The following ARHGAP29 variants were observed in gnomAD, a reference collection of about 807,000 sequenced individuals.
ARHGAP29 encodes Rho GTPase activating protein 29, also known as rho GTPase-activating protein 29.
ARHGAP29 carries 43 observed loss-of-function variants against 122.6 expected under a neutral mutation model. The ratio of observed to expected loss-of-function variants is 0.35; its 90% CI spans 0.27 to 0.45. The LOEUF is 0.45. ARHGAP29 is among the 20% of genes least tolerant of loss of function. ARHGAP29 has a pLI of 1.00. For synonymous variants in ARHGAP29, 506 were observed against 497.1 expected, an observed-to-expected ratio of 1.02 and a Z score of -0.24; for missense variants, 1,303 against 1,477.2, an observed-to-expected ratio of 0.88 and a Z score of 1.93.
At chr1:94,232,164 A>C (rs1466717812) in intron 1 of ARHGAP29, among the ~76,000 whole-genome samples, 1 of 152,106 alleles carries the variant, frequency 6.6e-6, no homozygotes, top group Non-Finnish European at 1.5e-5. Flanking sequence ...TGTTCTTAAA[A>C]TCCTCCTCTG....
chr1:94,261,423 A>C (rs1198983500), intron 1 of ARHGAP29, among the ~76,000 whole-genome samples: 1 of 152,198 alleles, frequency 6.6e-6, no homozygotes, highest in African/African-American at 2.4e-5. Flanking sequence ...GTGTAGCTAC[A>C]TCTCAACAAA....
chr1:94,276,013 T>C (rs759002467), upstream of ARHGAP29, among the ~76,000 whole-genome samples: 1 of 151,900 alleles, frequency 6.6e-6, no homozygotes, highest in African/African-American at 2.4e-5. Flanking sequence ...ATCCTAACAC[T>C]TTGGGAGGCT....
rs150813801 is a variant in ARHGAP29 at position 94,182,736 on chromosome 1, C to T, written c.2247+1415G>A. ...CAAGAGAGTAGAATATAAAGACATT[C>T]GTGGATAAATAAGGTTTTAAATATT... On this transcript the variant is annotated intron_variant, in intron 19 of 22. Transcript: ENST00000260526. 3.0e-3 allele frequency among the ~76,000 whole-genome samples: 460 copies of T among 152,130 alleles called. 3 individuals carry two copies. The highest frequency in any genetic ancestry group is 0.011 in the African/African-American group (443 of 41,510).
At chr1:94,201,518 C>CCT (rs1469183129) in intron 12 of ARHGAP29, among the ~76,000 whole-genome samples, 42 of 2,060 alleles carry the variant, frequency 0.02, no homozygotes, top group African/African-American at 0.026. Flanking sequence ...CTCTCTCTCT[C>CCT]TCTCTCTCTC....
At chr1:94,291,250 C>CTTGT in the ARHGAP29 span, among the ~76,000 whole-genome samples, 101 of 151,512 alleles carry the variant, frequency 6.7e-4, no homozygotes, top group African/African-American at 2.3e-3. Flanking sequence ...CCCCTGCTTT[C>CTTGT]TTGTTTGTTT....
intron 1 of ARHGAP29, among the ~76,000 whole-genome samples, chr1:94,262,915 A>G (rs1302740417): frequency 6.6e-6 from 1 of 152,210 alleles, no homozygotes; most frequent in Non-Finnish European, 1.5e-5. Flanking sequence ...AGGAATATAA[A>G]TCGTTCTACC....
the ARHGAP29 span, among the ~76,000 whole-genome samples, chr1:94,293,024 A>G: frequency 6.6e-6 from 1 of 152,210 alleles, no homozygotes; most frequent in South Asian, 2.1e-4. Context: ...AGTCTGCAGA[A>G]GCTGTCTGCT....
chr1:94,215,149 C>A (rs374375273), intron 3 of ARHGAP29, among the ~76,000 whole-genome samples: 68 of 138,920 alleles, frequency 4.9e-4, no homozygotes, highest in East Asian at 2.1e-3. Flanking sequence ...GGGAAAAAAA[C>A]CAAAAAAGCT....
chr1:94,216,058 G>C (rs1284705198), intron 3 of ARHGAP29, among the ~76,000 whole-genome samples: 1 of 152,124 alleles, frequency 6.6e-6, no homozygotes, highest in Admixed American at 6.5e-5. Flanking sequence ...CAAAGGTGCA[G>C]GAAATCAGCC....
intron 3 of ARHGAP29, among the ~76,000 whole-genome samples, chr1:94,213,637 C>T (rs1427087554): frequency 6.6e-6 from 1 of 152,202 alleles, no homozygotes; most frequent in Non-Finnish European, 1.5e-5. Flanking sequence ...CCAGATTTGG[C>T]CCACCAGCCT....
chr1:94,172,641 A>G lies in ARHGAP29; in HGVS notation c.*1228T>C, dbSNP rs1370659000. On this transcript the variant is annotated 3_prime_UTR_variant, in exon 23 of 23. Transcript: ENST00000260526. ...TATATATATATATATATTATCAAGT[A>G]TAACACAGTCATACAAAAACATTTA... 6.9e-6 allele frequency: 1 copy of G among 145,892 alleles called. No individual in the cohort carries two copies. The highest frequency in any genetic ancestry group is 1.5e-5 in the Non-Finnish European group (1 of 65,460). 9.0% of individuals were successfully genotyped at this position (145,892 alleles called of 1,614,324 possible).
At chr1:94,282,504 G>A in the ARHGAP29 span, among the ~76,000 whole-genome samples, 271 of 151,998 alleles carry the variant, frequency 1.8e-3, no homozygotes, top group African/African-American at 6.1e-3. Context: ...CAACCCTCCT[G>A]GCCTCAAGCG....
At chr1:94,220,429 A>G in intron 2 of ARHGAP29, 37 bp from the exon 3 acceptor site, 11 of 1,508,600 alleles carry the variant, frequency 7.3e-6, no homozygotes, top group South Asian at 1.2e-5. Context: ...TTTCCAGAGC[A>G]AAGTTCCACA....
In ARHGAP29 at chr1:94,231,466, A is replaced by G; in HGVS notation, c.146T>C (p.Val49Ala). 1 of 1,613,788 alleles carries G rather than the reference A, an allele frequency of 6.2e-7. No individual in the cohort carries two copies. Among genetic ancestry groups the G allele is most frequent in the Non-Finnish European group, 8.5e-7 (1 of 1,179,724 alleles). Residue 49 changes from valine (V) to alanine (A), a missense_variant, in exon 2 of 23, where the codon GTG becomes GCG. Around this residue, in one of 3 missense-constraint regions of ARHGAP29, gnomAD observed 592 missense variants for 648.2 expected, o/e 0.91. Coordinates refer to ENST00000260526, the MANE Select transcript of ARHGAP29 (RefSeq NM_004815.4). Reference protein sequence around the residue: ...IFDPDYIKELVNDIRKFSHML... With the variant: ...IFDPDYIKELANDIRKFSHML... The stretch of plus-strand genomic sequence containing the variant: ...GTGGGAGAACTTCCTGATATCATTC[A>G]CCAACTCCTTGATGTAATCCGGATC...
upstream of ARHGAP29, among the ~76,000 whole-genome samples, chr1:94,241,652 ATCTTATATATATAATTATATATG>A (rs1466533735): frequency 4.4e-4 from 63 of 143,572 alleles, no homozygotes; most frequent in African/African-American, 1.5e-3. Flanking sequence ...TTATATATAT[ATCTTATATATATAATTATATATG>A]ATATATATAA....
the ARHGAP29 span, among the ~76,000 whole-genome samples, chr1:94,312,564 T>G: frequency 1.3e-5 from 2 of 151,762 alleles, no homozygotes; most frequent in African/African-American, 4.8e-5. Flanking sequence ...CTCAAGTACC[T>G]AGGATTACAG....
At chr1:94,211,003 A>T (rs1193803218) in intron 3 of ARHGAP29, among the ~76,000 whole-genome samples, 1 of 151,376 alleles carries the variant, frequency 6.6e-6, no homozygotes, top group East Asian at 1.9e-4. Flanking sequence ...AGGACATAAC[A>T]GCCAGGTGCA....
intron 1 of ARHGAP29, among the ~76,000 whole-genome samples, chr1:94,247,259 C>T (rs1347050895): frequency 3.3e-5 from 5 of 152,090 alleles, no homozygotes; most frequent in Non-Finnish European, 5.9e-5. Flanking sequence ...GCGATGAGGG[C>T]TGGTGGCTAG....
chr1:94,307,049 A>C, the ARHGAP29 span, among the ~76,000 whole-genome samples: 1 of 152,342 alleles, frequency 6.6e-6, no homozygotes. Context: ...AAAGAAAAAC[A>C]CAATTATTTC....
Sources: allele counts gnomAD v4.1 joint callset (sites outside exome capture counted in the v4.1 genomes callset), GRCh38; gene constraint gnomAD v4.1.1; regional missense constraint gnomAD v4.1.1; transcripts MANE v1.5; gene names NCBI Gene and HGNC (gene_info 2026-07-23, HGNC 2026-07-21).